Variants in GABBR2 observed in about 807,000 individuals in gnomAD.
GABBR2 encodes gamma-aminobutyric acid type B receptor subunit 2.
GABBR2 carries 23 observed loss-of-function variants against 105.6 expected under a neutral mutation model. The observed-to-expected ratio is 0.22, with a 90% CI of 0.16 to 0.31. The LOEUF is 0.31. GABBR2 is among the 10% of genes least tolerant of loss of function. GABBR2 has a pLI of 1.00. For synonymous variants in GABBR2, 478 were observed against 499.7 expected (o/e 0.96, Z 0.58); for missense variants, 734 against 1,245.5 (o/e 0.59, Z 6.18).
chr9:98,488,150 G>T (rs913498287), intron 4 of GABBR2, among the ~76,000 whole-genome samples: 2 of 152,172 alleles, frequency 1.3e-5, no homozygotes, highest in African/African-American at 2.4e-5. Flanking sequence ...ACACCTTGAT[G>T]TTGGCCTGTC....
chr9:98,449,697 G>A (rs1047656134), intron 7 of GABBR2, among the ~76,000 whole-genome samples: 1 of 152,112 alleles, frequency 6.6e-6, no homozygotes, highest in African/African-American at 2.4e-5. Context: ...TCAGAAAAGG[G>A]GATTCTCAGA....
chr9:98,414,498 G>A, intron 7 of GABBR2, among the ~76,000 whole-genome samples: 1 of 152,238 alleles, frequency 6.6e-6, no homozygotes, highest in Non-Finnish European at 1.5e-5. Context: ...AGGATGCTGA[G>A]CTTCATTTTG....
intron 11 of GABBR2, among the ~76,000 whole-genome samples, chr9:98,383,607 A>T (rs1832018461): frequency 6.6e-6 from 1 of 152,170 alleles, no homozygotes; most frequent in East Asian, 1.9e-4. Flanking sequence ...GTTACTGGGG[A>T]CTCGACCACA....
intron 11 of GABBR2, among the ~76,000 whole-genome samples, chr9:98,384,537 C>A (rs1332265824): frequency 1.3e-5 from 2 of 152,090 alleles, no homozygotes; most frequent in African/African-American, 4.8e-5. Context: ...TTGCAGTGAG[C>A]TGAGATCATA....
intron 7 of GABBR2, among the ~76,000 whole-genome samples, chr9:98,419,135 G>A (rs575926252): frequency 6.6e-6 from 1 of 152,298 alleles, no homozygotes; most frequent in Non-Finnish European, 1.5e-5. Context: ...TTAGGCAGCT[G>A]GTGCAGCAGC....
intron 2 of GABBR2, among the ~76,000 whole-genome samples, chr9:98,564,002 T>C (rs1828715277): frequency 6.6e-6 from 1 of 151,648 alleles, no homozygotes; most frequent in Non-Finnish European, 1.5e-5. Context: ...AGTCGATCTA[T>C]TTTCTGAGTT....
intron 18 of GABBR2, among the ~76,000 whole-genome samples, chr9:98,292,441 T>C (rs1443852659): frequency 1.3e-5 from 2 of 152,192 alleles, no homozygotes; most frequent in Non-Finnish European, 2.9e-5. Flanking sequence ...CAACTGGGTG[T>C]GCCCTTGGGG....
intron 7 of GABBR2, among the ~76,000 whole-genome samples, chr9:98,427,352 A>T (rs1231966071): frequency 6.6e-6 from 1 of 152,210 alleles, no homozygotes. Context: ...ACTTACGTGA[A>T]CTGCTAGAGA....
intron 5 of GABBR2, among the ~76,000 whole-genome samples, chr9:98,480,099 G>A (rs957723871): frequency 3.3e-5 from 5 of 152,110 alleles, no homozygotes; most frequent in African/African-American, 7.2e-5. Flanking sequence ...TCTGCGGCCC[G>A]TCACCAGACA....
At chr9:98,578,162 A>G in intron 1 of GABBR2, 90 bp from the exon 2 acceptor site, 1 of 1,431,308 alleles carries the variant, frequency 7.0e-7, no homozygotes, top group South Asian at 1.2e-5. Flanking sequence ...TTCCTCATGG[A>G]AACCTTCTGG....
chr9:98,692,427 T>C (rs960126962), intron 1 of GABBR2, among the ~76,000 whole-genome samples: 2 of 152,158 alleles, frequency 1.3e-5, no homozygotes, highest in African/African-American at 4.8e-5. Flanking sequence ...GAGGATGAAA[T>C]AGAAAGTGCA....
chr9:98,611,586 G>C (rs1263784115), intron 1 of GABBR2, among the ~76,000 whole-genome samples: 1 of 152,176 alleles, frequency 6.6e-6, no homozygotes, highest in African/African-American at 2.4e-5. Flanking sequence ...TAACCTTGTA[G>C]GCCCAGGAAA....
At chr9:98,533,825 G>T (rs1828117317) in intron 3 of GABBR2, among the ~76,000 whole-genome samples, 1 of 152,328 alleles carries the variant, frequency 6.6e-6, no homozygotes, top group South Asian at 2.1e-4. Flanking sequence ...TGGAGGTGTG[G>T]CTGGACCAAA....
intron 6 of GABBR2, among the ~76,000 whole-genome samples, chr9:98,472,730 C>T (rs749038838): frequency 6.6e-6 from 1 of 152,132 alleles, no homozygotes; most frequent in Non-Finnish European, 1.5e-5. Context: ...TCTGGCAGCT[C>T]TACAGCATGT....
chr9:98,503,189 A>G (rs1827439482), intron 3 of GABBR2, among the ~76,000 whole-genome samples: 1 of 152,200 alleles, frequency 6.6e-6, no homozygotes, highest in Non-Finnish European at 1.5e-5. Flanking sequence ...AAAGGATTCC[A>G]GGCCGAGGAG....
At chr9:98,705,065 T>A (rs1830876941) in intron 1 of GABBR2, among the ~76,000 whole-genome samples, 2 of 152,230 alleles carry the variant, frequency 1.3e-5, no homozygotes, top group African/African-American at 4.8e-5. Context: ...TAAAATATAA[T>A]ACTCAATGCA....
intron 13 of GABBR2, among the ~76,000 whole-genome samples, chr9:98,352,094 A>G (rs1831409174): frequency 1.3e-5 from 2 of 152,244 alleles, no homozygotes; most frequent in South Asian, 4.1e-4. Flanking sequence ...TGTAATCAAC[A>G]TCAGTGATTG....
intron 18 of GABBR2, among the ~76,000 whole-genome samples, chr9:98,291,927 A>G (rs1830308757): frequency 6.6e-6 from 1 of 152,240 alleles, no homozygotes; most frequent in Non-Finnish European, 1.5e-5. Flanking sequence ...TGGAGGCAAG[A>G]TGGAGCTGGG....
rs951960026 is a variant in GABBR2 at position 98,644,621 on chromosome 9, C to A, written c.321+63796G>T. Among the ~76,000 whole-genome samples the A allele has an allele frequency of 7.2e-5, 11 of 152,260 alleles. No individual in the cohort carries two copies. The South Asian group carries it at 1.0e-3, about 14-fold the overall frequency. ...CTTCGGGAGGCTGAGGTGGGTGGAT[C>A]ACCTGAGGTTGAGAGTTCGAGACCA... On this transcript the variant is annotated intron_variant, in intron 1 of 18. Transcript: ENST00000259455.
Sources: allele counts gnomAD v4.1 joint callset (sites outside exome capture counted in the v4.1 genomes callset), GRCh38; gene constraint gnomAD v4.1.1; transcripts MANE v1.5; gene names NCBI Gene and HGNC (gene_info 2026-07-23, HGNC 2026-07-21).